Variants in MTA2 observed in about 807,000 individuals in gnomAD.
MTA2 encodes metastasis associated 1 family member 2.
A neutral mutation model predicts 87.1 loss-of-function variants in MTA2; 22 were observed. The ratio of observed to expected loss-of-function variants is 0.25; its 90% confidence interval spans 0.18 to 0.36. The LOEUF is 0.36. Among genes scored for constraint, MTA2 ranks in the 10% least tolerant of loss-of-function variants. MTA2 has a pLI of 1.00. For synonymous variants in MTA2, 314 were observed against 310.1 expected (o/e 1.01, Z -0.13); for missense variants, 542 against 853.2 (o/e 0.64, Z 4.54).
chr11:62,601,321 T>C, intron 1 of MTA2, 102 bp downstream of exon 1: 1 of 1,418,292 alleles, frequency 7.1e-7, no homozygotes, highest in Non-Finnish European at 9.7e-7. Flanking sequence ...CGGTCCACGC[T>C]GCCCCATACG....
rs1181142052 is a variant in MTA2, at chr11:62,595,613, A to G, written c.1255-121T>C. On this transcript the variant is annotated intron_variant, in intron 13 of 17. Coordinates refer to ENST00000278823, the MANE Select transcript of MTA2 (RefSeq NM_004739.4). This position sits in a 1 kb window ranked among gnomAD's most constrained non-coding sequence, Gnocchi z 4.9. ...AATCTCTTTACTGACCTCTTGGCCT[A>G]TGTGTCTCCCCAACCAGCATCAAGC... 2 of 1,510,830 alleles carry G rather than the reference A, an allele frequency of 1.3e-6. No homozygotes were observed. The highest frequency in any genetic ancestry group is 1.8e-5 in the Admixed American group (1 of 54,640). The allele number at this position is 1,510,830 out of a possible 1,614,324, so 93.6% of individuals were successfully genotyped here.
At chr11:62,594,933 G>A (rs779802717) in intron 15 of MTA2, 48 bp downstream of exon 15, 7 of 1,529,886 alleles carry the variant, frequency 4.6e-6, no homozygotes, top group South Asian at 2.3e-5. Context: ...GTCAGACAGG[G>A]AAAGGACTGG....
rs557797378 is a variant in MTA2, at chr11:62,596,484, T to C, written c.931A>G (p.Lys311Glu). 1 of 1,614,162 alleles carries C rather than the reference T, an allele frequency of 6.2e-7. No homozygotes were observed. Among genetic ancestry groups the C allele is most frequent in the East Asian group, 2.2e-5 (1 of 44,884 alleles). ...TGCTGAATATACCGGTCTGTGGTTT[T>C]CCACATGTAATAAAACTGGACTATG... is the stretch of plus-strand genomic sequence containing the variant. ...ASIVQFYYMW[K>E]TTDRYIQQKR... The change falls in exon 10 of 18, where the codon AAA (lysine) becomes GAA (glutamate). Residue 311 changes from lysine to glutamate, a missense_variant. Physicochemically the swap from Lys to Glu is moderately conservative, Grantham distance 56. Coordinates refer to ENST00000278823, the MANE Select transcript of MTA2 (RefSeq NM_004739.4).
At chr11:62,600,308 G>T in intron 2 of MTA2, 49 bp from the exon 3 acceptor site, 1 of 1,499,498 alleles carries the variant, frequency 6.7e-7, no homozygotes, top group Non-Finnish European at 9.3e-7. Context: ...AGTGGAAATT[G>T]ATCATCTGGG....
chr11:62,598,108 CG>C lies in MTA2; in HGVS notation c.405del (p.Val136CysfsTer26). On this transcript the variant is annotated frameshift_variant, in exon 6 of 18. Transcript: ENST00000278823. ...TGATCAGCGAGAAGTGTCTTCTGCA[CG>C]GGGTCAAACACCAGTGAGTAAAAAA... ...DCFFYSLVFD[P>X]VQKTLLADQG... 1 of 1,613,976 alleles carries C rather than the reference CG, an allele frequency of 6.2e-7. No individual in the cohort carries two copies. Among genetic ancestry groups the C allele is most frequent in the South Asian group, 1.1e-5 (1 of 91,074 alleles).
At chr11:62,600,545 C>T (rs1942169916) in intron 2 of MTA2, 77 bp downstream of exon 2, 2 of 1,338,370 alleles carry the variant, frequency 1.5e-6, no homozygotes, top group Non-Finnish European at 2.1e-6. Flanking sequence ...AGTATAGGAT[C>T]CTCTCTTCCA....
intron 1 of MTA2, chr11:62,601,002 G>A: frequency 2.0e-6 from 1 of 488,366 alleles, no homozygotes; most frequent in Non-Finnish European, 3.6e-6. Context: ...GTAATTGTCC[G>A]CTCTAGCGCA....
chr11:62,601,327 A>T, intron 1 of MTA2, 96 bp downstream of exon 1: 1 of 1,475,580 alleles, frequency 6.8e-7, no homozygotes, highest in Non-Finnish European at 9.3e-7. Context: ...ACGCTGCCCC[A>T]TACGCTGCGC....
At position 62,600,203 on chromosome 11, in the gene MTA2, A is replaced by T. The variant is rs1345752268; in HGVS notation, c.153T>A (p.Ile51=). 1 of 1,614,214 alleles carries T rather than the reference A, an allele frequency of 6.2e-7. No homozygotes were observed. The highest frequency in any genetic ancestry group is 8.5e-7 in the Non-Finnish European group (1 of 1,180,038). The change falls in exon 3 of 18, where the codon ATT becomes ATA. Residue 51 remains isoleucine, a synonymous_variant. Transcript: ENST00000278823. The stretch of plus-strand genomic sequence containing the variant: ...CAGCCAGGCTGTTGAGGCTACTAGA[A>T]ATGTCCCTGCGCCGGAAAAGACAGA... ...KVVCLFRRRD[I]SSSLNSLADS... is the part of the protein sequence containing the mutation.
rs1942062428 is a variant in MTA2, at chr11:62,594,043, G to A, written c.1842-3C>T. On this transcript the variant is annotated splice_polypyrimidine_tract_variant and splice_region_variant and intron_variant, in intron 17 of 17. Coordinates refer to ENST00000278823, the MANE Select transcript of MTA2 (RefSeq NM_004739.4). ...GGGTCAGAGCCTTCCGTAGGGCCCT[G>A]GCCAGAAAGAGCAAGTGGGAAACAG... 1 of 1,589,256 alleles carries A rather than the reference G, an allele frequency of 6.3e-7. No individual in the cohort carries two copies. Among genetic ancestry groups the A allele is most frequent in the Non-Finnish European group, 8.6e-7 (1 of 1,169,070 alleles).
In MTA2 at chr11:62,595,665, TAA is replaced by T. The variant is rs1446098149; in HGVS notation, c.1254+85_1254+86del. On this transcript the variant is annotated intron_variant, in intron 13 of 17. Coordinates refer to ENST00000278823, the MANE Select transcript of MTA2 (RefSeq NM_004739.4). This position sits in a 1 kb window ranked among gnomAD's most constrained non-coding sequence, Gnocchi z 4.9. ...CCCCGTCCATCAAACCATCACCATA[TAA>T]AGAGTTGAATATTCTGGCCTTCACC... 7 of 1,571,916 alleles carry T rather than the reference TAA, an allele frequency of 4.5e-6. No individual in the cohort carries two copies. The highest frequency in any genetic ancestry group is 2.7e-5 in the African/African-American group (2 of 73,994).
At chr11:62,601,248 G>T in intron 1 of MTA2, 175 bp downstream of exon 1, 1 of 791,492 alleles carries the variant, frequency 1.3e-6, no homozygotes, top group South Asian at 1.7e-5. Context: ...TCGGAGCCCT[G>T]CCGCGTCGCG....
intron 5 of MTA2, 21 bp downstream of exon 5, chr11:62,598,304 TTC>T (rs1225703216): frequency 1.9e-6 from 3 of 1,612,684 alleles, no homozygotes; most frequent in Non-Finnish European, 1.7e-6. Context: ...CCCCTCGCTC[TTC>T]TCTCAACATC....
chr11:62,597,275 G>T, intron 8 of MTA2, 41 bp downstream of exon 8: 1 of 1,473,480 alleles, frequency 6.8e-7, no homozygotes, highest in Non-Finnish European at 9.3e-7. Context: ...CAAGTCCCCA[G>T]AAAACCCAGC....
chr11:62,600,924 G>A (rs900841192), intron 1 of MTA2: 5 of 534,506 alleles, frequency 9.4e-6, no homozygotes, highest in East Asian at 3.2e-5. Context: ...TTAAGGAACA[G>A]GCAAGAAGCA....
chr11:62,593,686 G>A lies in MTA2; in HGVS notation c.*189C>T. On this transcript the variant is annotated 3_prime_UTR_variant, in exon 18 of 18. Coordinates refer to ENST00000278823, the MANE Select transcript of MTA2 (RefSeq NM_004739.4). ...CCTGCAGTCTGTCCTCCATCGGCAAGCATGGAGGCATGAGACAAGTCTCGA... is the reference window on the plus strand; with the variant it reads ...CCTGCAGTCTGTCCTCCATCGGCAAACATGGAGGCATGAGACAAGTCTCGA... 1 of 657,688 alleles carries A rather than the reference G, an allele frequency of 1.5e-6. No homozygotes were observed. The highest frequency in any genetic ancestry group is 2.5e-6 in the Non-Finnish European group (1 of 394,860). 40.7% of individuals were successfully genotyped at this position (657,688 alleles called of 1,614,324 possible).
rs1199849104 is a variant in MTA2, at chr11:62,598,348, C to T, written c.351G>A (p.Leu117=). The T allele has an allele frequency of 2.5e-5, 40 of 1,613,994 alleles. No individual in the cohort carries two copies. The highest frequency in any genetic ancestry group is 2.1e-5 in the Non-Finnish European group (25 of 1,180,032). The part of the protein sequence containing the change: ...SVTLLNETDI[L]SQYLEKEDCF... ...TCACCTCCTTTTCCAGGTACTGGCT[C>T]AAGATATCTGTCTCATTCAAGAGGG... is the stretch of plus-strand genomic sequence containing the variant. Residue 117 remains leucine (L), a synonymous_variant, in exon 5 of 18, where the codon TTG becomes TTA. Coordinates refer to ENST00000278823, the MANE Select transcript of MTA2 (RefSeq NM_004739.4).
chr11:62,599,147 T>C, intron 3 of MTA2: 2 of 157,448 alleles, frequency 1.3e-5, no homozygotes, highest in Non-Finnish European at 1.4e-5. Context: ...ACAACACCTC[T>C]CAAGCCAGTG....
rs1942205019 is a variant in MTA2 at position 62,601,663 on chromosome 11, C to T, written c.-213G>A. The T allele has an allele frequency of 3.6e-6, 2 of 557,734 alleles. No homozygotes were observed. The highest frequency in any genetic ancestry group is 3.4e-5 in the East Asian group (1 of 29,192). 34.5% of individuals were successfully genotyped at this position (557,734 alleles called of 1,614,324 possible). The stretch of plus-strand genomic sequence containing the variant: ...CAGCTATCGCCTCACTCCCGGGACG[C>T]TGAGGCTGGCCCCCGTCCGCTCGGC... On this transcript the variant is annotated 5_prime_UTR_variant, in exon 1 of 18. Transcript: ENST00000278823.
Sources: allele counts gnomAD v4.1 joint callset, GRCh38; gene constraint gnomAD v4.1.1; non-coding constraint Gnocchi (gnomAD v3.1); transcripts MANE v1.5; gene names NCBI Gene and HGNC (gene_info 2026-07-23, HGNC 2026-07-21).